Variants in PALLD observed in about 807,000 individuals in gnomAD.
PALLD encodes the protein palladin, cytoskeletal associated protein, also known as palladin.
Under a neutral mutation model 123.5 loss-of-function variants are expected in PALLD, and 61 were observed. The ratio of observed to expected loss-of-function variants is 0.49; its 90% CI spans 0.40 to 0.61. PALLD has a LOEUF of 0.61. Among genes scored for constraint, PALLD ranks in the 20% least tolerant of loss-of-function variants. The pLI is 0.00. For missense variants in PALLD, 1,273 were observed against 1,377.0 expected, an observed-to-expected ratio of 0.92 and a Z score of 1.20; for synonymous variants, 465 against 496.4, an observed-to-expected ratio of 0.94 and a Z score of 0.84.
intron 2 of PALLD, among the ~76,000 whole-genome samples, chr4:168,605,014 T>G (rs925995311): frequency 5.3e-5 from 8 of 152,218 alleles, no homozygotes; most frequent in African/African-American, 1.9e-4. Flanking sequence ...GTTTTGTGTT[T>G]GTCGAAGTCT....
At chr4:168,539,369 A>G (rs1274248059) in intron 2 of PALLD, among the ~76,000 whole-genome samples, 1 of 151,964 alleles carries the variant, frequency 6.6e-6, no homozygotes, top group Non-Finnish European at 1.5e-5. Flanking sequence ...GCAGGGGAAT[A>G]ACAAGGTCAA....
intron 10 of PALLD, among the ~76,000 whole-genome samples, chr4:168,789,585 G>A (rs1258352464): frequency 6.6e-6 from 1 of 151,750 alleles, no homozygotes; most frequent in Non-Finnish European, 1.5e-5. Flanking sequence ...TGTGCCTGTA[G>A]TCCCAGCTAC....
chr4:168,816,817 CGTGT>C (rs61010592), intron 10 of PALLD, among the ~76,000 whole-genome samples: 8,001 of 110,576 alleles, frequency 0.072, 371 homozygotes, highest in East Asian at 0.15. Flanking sequence ...GAGCTAGCCC[CGTGT>C]GTGTGTGTGT....
chr4:168,506,835 C>T (rs559611965), intron 1 of PALLD, among the ~76,000 whole-genome samples: 227 of 152,272 alleles, frequency 1.5e-3, no homozygotes, highest in African/African-American at 5.1e-3. Context: ...TGCAATGGTG[C>T]TAAATATTCC....
intron 2 of PALLD, among the ~76,000 whole-genome samples, chr4:168,592,161 T>C (rs62335506): frequency 0.085 from 12,839 of 151,812 alleles, 734 homozygotes; most frequent in Non-Finnish European, 0.12. Context: ...GGATTACAGG[T>C]GCGCACCACC....
At chr4:168,509,626 T>C (rs1762343907) in intron 1 of PALLD, among the ~76,000 whole-genome samples, 1 of 152,120 alleles carries the variant, frequency 6.6e-6, no homozygotes, top group Admixed American at 6.6e-5. Context: ...TCAGGGAGAA[T>C]GATGACACCC....
At chr4:168,917,807 T>C (rs370103443) in intron 17 of PALLD, among the ~76,000 whole-genome samples, 1 of 152,180 alleles carries the variant, frequency 6.6e-6, no homozygotes, top group East Asian at 1.9e-4. Context: ...ATTTTATATA[T>C]ATATGAGTGT....
chr4:168,718,088 C>G (rs1229024712), intron 10 of PALLD, among the ~76,000 whole-genome samples: 4 of 152,186 alleles, frequency 2.6e-5, no homozygotes, highest in Non-Finnish European at 4.4e-5. Context: ...CTGTGCTACT[C>G]CCTTCCTGTC....
At chr4:168,745,060 T>G (rs963884994) in intron 10 of PALLD, among the ~76,000 whole-genome samples, 6 of 152,212 alleles carry the variant, frequency 3.9e-5, no homozygotes, top group African/African-American at 1.4e-4. Context: ...ACCTCTTTAG[T>G]TCAGCTATGA....
intron 10 of PALLD, chr4:168,832,849 C>G (rs568926350): frequency 6.6e-6 from 1 of 152,386 alleles, no homozygotes; most frequent in East Asian, 1.9e-4. Context: ...CGGCGTGGAG[C>G]CGGCGGCTCA....
At chr4:168,826,487 G>C (rs77442204) in intron 10 of PALLD, among the ~76,000 whole-genome samples, 2,959 of 152,210 alleles carry the variant, frequency 0.019, 97 homozygotes, top group African/African-American at 0.067. Context: ...TAACCTCTCT[G>C]TGCTCACTGT....
intron 10 of PALLD, among the ~76,000 whole-genome samples, chr4:168,808,674 G>A (rs926252110): frequency 1.3e-5 from 2 of 152,264 alleles, no homozygotes; most frequent in East Asian, 3.9e-4. Flanking sequence ...GTCTGGAGAG[G>A]CCTCACAATC....
At chr4:168,916,196 T>C (rs1760053400) in intron 17 of PALLD, among the ~76,000 whole-genome samples, 169 bp downstream of exon 17, 1 of 152,184 alleles carries the variant, frequency 6.6e-6, no homozygotes, top group African/African-American at 2.4e-5. Flanking sequence ...GCAGATCGCT[T>C]GATCCCAGGA....
chr4:168,749,025 G>A (rs1467698069), intron 10 of PALLD, among the ~76,000 whole-genome samples: 2 of 152,182 alleles, frequency 1.3e-5, no homozygotes, highest in African/African-American at 4.8e-5. Context: ...AATCCCCAGT[G>A]TTGGAGGTGG....
At chr4:168,536,317 A>C (rs1394852299) in intron 2 of PALLD, among the ~76,000 whole-genome samples, 1 of 152,170 alleles carries the variant, frequency 6.6e-6, no homozygotes, top group Admixed American at 6.5e-5. Flanking sequence ...CCCTGTAACA[A>C]GGTTTTCCCT....
chr4:168,644,071 G>A (rs1044238363), intron 2 of PALLD, among the ~76,000 whole-genome samples: 2 of 151,360 alleles, frequency 1.3e-5, no homozygotes, highest in African/African-American at 4.9e-5. Flanking sequence ...TGATGAAGAG[G>A]AACTCTTTGA....
At position 168,511,799 on chromosome 4, in the gene PALLD, T is replaced by A. The variant is rs1452609177; in HGVS notation, c.295T>A (p.Ser99Thr). 3 of 1,614,048 alleles carry A rather than the reference T, an allele frequency of 1.9e-6. No homozygotes were observed. Among genetic ancestry groups the A allele is most frequent in the East Asian group, 2.2e-5 (1 of 44,860 alleles). Residue 99 changes from serine (S) to threonine (T), a missense_variant, in exon 2 of 22, where the codon TCA becomes ACA. Ser to Thr is a moderately conservative substitution (Grantham distance 58). Transcript: ENST00000505667. ...CTCGAGGAGACCTCAGGATAACAGGTCAACACCTGTCCAGCCTCTGGCAGA... is the reference window on the plus strand; with the variant it reads ...CTCGAGGAGACCTCAGGATAACAGGACAACACCTGTCCAGCCTCTGGCAGA... ...HASRRPQDNR[S>T]TPVQPLAEKQ...
chr4:168,669,888 T>C (rs2723707), intron 3 of PALLD, among the ~76,000 whole-genome samples: 86,219 of 151,588 alleles, frequency 0.57, 25,794 homozygotes, highest in African/African-American at 0.76. Context: ...AACTGAGGCC[T>C]GGAGAGGTAG....
chr4:168,877,505 A>ATT (rs1751908244), intron 10 of PALLD, among the ~76,000 whole-genome samples: 1 of 152,236 alleles, frequency 6.6e-6, no homozygotes, highest in African/African-American at 2.4e-5. Flanking sequence ...TGAAACTTAA[A>ATT]TGAGAGTGAA....
Sources: gnomAD v4.1 joint callset for allele counts (sites outside exome capture counted in the v4.1 genomes callset) on GRCh38, gnomAD v4.1.1 for gene constraint, MANE v1.5 for transcripts, NCBI Gene and HGNC (gene_info 2026-07-23, HGNC 2026-07-21) for gene names.